The following STAG2 variants were observed in gnomAD, a reference collection of about 807,000 sequenced individuals.
STAG2 encodes the protein STAG2 cohesin complex component.
Under a neutral mutation model 108.1 loss-of-function variants are expected in STAG2, and 14 were observed. The ratio of observed to expected loss-of-function variants is 0.13; its 90% CI spans 0.09 to 0.20. The LOEUF (loss-of-function observed/expected upper bound fraction) is 0.20, where lower values mean the gene tolerates loss of function less well. STAG2 is among the 10% of genes least tolerant of loss of function. The pLI, the probability that STAG2 is intolerant of heterozygous loss-of-function variation, is 1.00. For synonymous variants in STAG2, 307 were observed against 302.7 expected, an observed-to-expected ratio of 1.01 and a Z score of -0.15; for missense variants, 440 against 940.9, an observed-to-expected ratio of 0.47 and a Z score of 6.96.
intron 1 of STAG2, among the ~76,000 whole-genome samples, chrX:124,006,653 A>T (rs1238823459): frequency 1.8e-5 from 2 of 110,203 alleles, no homozygotes; most frequent in African/African-American, 6.6e-5. Flanking sequence ...GTTCATCAGG[A>T]TGGTCTTGAT....
chrX:124,102,506 A>G lies in STAG2; in HGVS notation c.*1909A>G. On this transcript the variant is annotated 3_prime_UTR_variant, in exon 35 of 35. Transcript: ENST00000371145. ...TAAAAATAAACCTACAGTATGTTGT[A>G]TGTTTTCTCTTGTACTCAAAGGGGG... 6.5e-6 allele frequency: 1 copy of G among 154,767 alleles called. No homozygotes were observed. Among genetic ancestry groups the G allele is most frequent in the East Asian group, 1.0e-4 (1 of 9,885 alleles). 12.8% of individuals were successfully genotyped at this position (154,767 alleles called of 1,213,427 possible).
At chrX:124,032,667 AC>A (rs2057384221) in intron 5 of STAG2, among the ~76,000 whole-genome samples, 1 of 111,517 alleles carries the variant, frequency 9.0e-6, no homozygotes, top group Admixed American at 9.6e-5. Flanking sequence ...GCTTCCACTT[AC>A]AAGTGAGAAC....
At chrX:124,044,012 T>C (rs2057799779) in intron 7 of STAG2, among the ~76,000 whole-genome samples, 1 of 111,505 alleles carries the variant, frequency 9.0e-6, no homozygotes, top group Non-Finnish European at 1.9e-5. Context: ...TTTTATTTGG[T>C]CTTTTTTTTC....
intron 30 of STAG2, among the ~76,000 whole-genome samples, chrX:124,087,552 A>C (rs2059136443): frequency 9.0e-6 from 1 of 111,719 alleles, no homozygotes; most frequent in Non-Finnish European, 1.9e-5. Context: ...CCTCAGCTGT[A>C]CTGTCTGCCA....
At chrX:123,990,362 G>A (rs2055396781) in intron 1 of STAG2, among the ~76,000 whole-genome samples, 1 of 111,641 alleles carries the variant, frequency 9.0e-6, no homozygotes, top group Admixed American at 9.5e-5. Context: ...TCTTAAGAAA[G>A]GTACTTTCAG....
At position 124,051,162 on chromosome X, in the gene STAG2, G is replaced by A. The variant is rs2058029146; in HGVS notation, c.1059G>A (p.Gly353=). The change falls in exon 12 of 35, where the codon GGG becomes GGA. Residue 353 remains glycine (G), a synonymous_variant. Transcript: ENST00000371145. ...VRLKCLTALQ[G]LYYNKELNSK... ...TCAAATGTCTTACTGCTCTACAAGGGCTTTATTATAACAAAGAGCTTAATT... is the reference window on the plus strand; with the variant it reads ...TCAAATGTCTTACTGCTCTACAAGGACTTTATTATAACAAAGAGCTTAATT... The A allele has an allele frequency of 8.5e-7, 1 of 1,176,314 alleles. No homozygotes were observed. The highest frequency in any genetic ancestry group is 3.0e-5 in the East Asian group (1 of 33,124).
At chrX:124,081,277 T>C (rs1238193081) in intron 27 of STAG2, 103 bp from the exon 28 acceptor site, 2 of 532,165 alleles carry the variant, frequency 3.8e-6, no homozygotes, top group African/African-American at 4.9e-5. Context: ...ATACAGTGCC[T>C]CATTTATTGA....
At chrX:123,978,820 A>T in intron 1 of STAG2, among the ~76,000 whole-genome samples, 1 of 111,602 alleles carries the variant, frequency 9.0e-6, no homozygotes. Context: ...CAATATTAAT[A>T]TTTGGATTTT....
intron 26 of STAG2, among the ~76,000 whole-genome samples, 182 bp from the exon 27 acceptor site, chrX:124,077,775 A>G (rs1246037331): frequency 1.8e-5 from 2 of 111,677 alleles, no homozygotes; most frequent in Non-Finnish European, 3.8e-5. Flanking sequence ...ATTTTACTGA[A>G]GTTAGGGATT....
rs1349251105 is a variant in STAG2, at chrX:123,985,876, G to A, written c.-163+24020G>A. Among the ~76,000 whole-genome samples the A allele has an allele frequency of 2.7e-5, 3 of 109,614 alleles. No individual in the cohort carries two copies. The East Asian group carries it at 8.4e-4, about 31-fold the overall frequency. On this transcript the variant is annotated intron_variant, in intron 1 of 34. Transcript: ENST00000371145. ...ATGCTACTTTACAAAGAAGGAATTA[G>A]CCTTTCAGAGGAGCTAAGAAACTTG...
At chrX:124,061,434 A>G in intron 16 of STAG2, 93 bp downstream of exon 16, 3 of 650,591 alleles carry the variant, frequency 4.6e-6, no homozygotes, top group South Asian at 3.0e-5. Flanking sequence ...TTTTAAGACA[A>G]TTTGATAGAA....
At chrX:124,068,339 A>G (rs569239079) in intron 23 of STAG2, among the ~76,000 whole-genome samples, 1 of 111,453 alleles carries the variant, frequency 9.0e-6, no homozygotes, top group African/African-American at 3.3e-5. Flanking sequence ...GATATTATCT[A>G]TTAATGTACC....
chrX:124,039,055 G>A (rs918508451), intron 6 of STAG2, among the ~76,000 whole-genome samples: 2 of 110,264 alleles, frequency 1.8e-5, no homozygotes, highest in African/African-American at 6.6e-5. Context: ...CTTTGCAAAT[G>A]GAAGGTTGAG....
chrX:124,057,925 G>A lies in STAG2; in HGVS notation c.1364G>A (p.Gly455Asp). ...ATGATGAAAAGAAGAGGAAGACAAG[G>A]TCCAAATGCCAACCTTGTTAAGACA... ...DGMMKRRGRQ[G>D]PNANLVKTLV... Residue 455 changes from glycine (G) to aspartate (D), a missense_variant, in exon 15 of 35, where the codon GGT becomes GAT. By Grantham distance (94) the Gly-to-Asp change is moderately conservative (BLOSUM62 -1). This residue lies in a region of STAG2 where 337 missense variants were observed against 649.3 expected (regional missense o/e 0.52). Transcript: ENST00000371145. 8.4e-7 allele frequency: 1 copy of A among 1,195,930 alleles called. No homozygotes were observed. Among genetic ancestry groups the A allele is most frequent in the South Asian group, 1.8e-5 (1 of 54,504 alleles).
At chrX:123,994,467 A>G (rs2055632093) in intron 1 of STAG2, among the ~76,000 whole-genome samples, 1 of 111,982 alleles carries the variant, frequency 8.9e-6, no homozygotes, top group African/African-American at 3.2e-5. Flanking sequence ...TTGCTTTATA[A>G]TAAGATTGAT....
chrX:124,052,296 T>C (rs1406999793), intron 13 of STAG2, among the ~76,000 whole-genome samples: 1 of 112,159 alleles, frequency 8.9e-6, no homozygotes, highest in African/African-American at 3.2e-5. Context: ...TTCATCACTT[T>C]ATTCTGGAGC....
intron 23 of STAG2, 26 bp from the exon 24 acceptor site, chrX:124,068,537 TA>T: frequency 9.4e-7 from 1 of 1,065,477 alleles, no homozygotes; most frequent in Non-Finnish European, 1.3e-6. Context: ...CAATATTTTT[TA>T]AAAGTTAATG....
In STAG2 at chrX:124,051,715, C is replaced by G. The variant is rs898204601; in HGVS notation, c.1196+321C>G. Among the ~76,000 whole-genome samples the G allele has an allele frequency of 1.2e-4, 13 of 110,244 alleles. No homozygotes were observed. In the South Asian group the frequency reaches 5.1e-3, roughly 43 times the overall value. The stretch of plus-strand genomic sequence containing the variant: ...ACGCCATTCTCCTGCCTCAGCCTCC[C>G]GAGTAGCTGGGACTACAGGCGCCCG... On this transcript the variant is annotated intron_variant, in intron 13 of 34. Coordinates refer to ENST00000371145, the MANE Select transcript of STAG2 (RefSeq NM_001042750.2).
At chrX:123,999,216 A>G (rs1193882039) in intron 1 of STAG2, among the ~76,000 whole-genome samples, 1 of 111,951 alleles carries the variant, frequency 8.9e-6, no homozygotes, top group Non-Finnish European at 1.9e-5. Context: ...GCAGAGAGAC[A>G]TTATTCTATA....
Sources: gnomAD v4.1 joint callset for allele counts (sites outside exome capture counted in the v4.1 genomes callset) on GRCh38, gnomAD v4.1.1 for gene constraint, gnomAD v4.1.1 regional missense constraint, MANE v1.5 for transcripts, NCBI Gene and HGNC (gene_info 2026-07-23, HGNC 2026-07-21) for gene names.